AVIL: variants seen among roughly 807,000 people sequenced by gnomAD.
AVIL encodes advillin.
A neutral mutation model predicts 109.9 loss-of-function variants in AVIL; 78 were observed. The observed-to-expected ratio is 0.71, with a 90% CI of 0.59 to 0.86. The LOEUF (loss-of-function observed/expected upper bound fraction) is 0.86, where lower values mean the gene tolerates loss of function less well. AVIL is among the 40% of genes least tolerant of loss of function. The probability of loss-of-function intolerance (pLI) is 0.00; values close to 1 mark genes in which losing one functional copy is unlikely to be tolerated. For missense variants in AVIL, 892 were observed against 1,016.5 expected (o/e 0.88, Z 1.67); for synonymous variants, 367 against 379.1 (o/e 0.97, Z 0.37).
Position 57,811,484 on chromosome 12 carries a change from G to A in AVIL, c.339-357C>T, listed in dbSNP as rs534761647. ...TTCCAGGAACTGTCTGAATGCCAGT[G>A]TGTTACTGGGAGAGGGATACAAGTT... On this transcript the variant is annotated intron_variant, in intron 4 of 19. Transcript: ENST00000549994. 4.6e-5 allele frequency among the ~76,000 whole-genome samples: 7 copies of A among 152,348 alleles called. No individual in the cohort carries two copies. The East Asian group carries it at 1.3e-3, about 29-fold the overall frequency.
chr12:57,808,712 C>T (rs757467605), intron 9 of AVIL, 164 bp from the exon 10 acceptor site: 3 of 783,576 alleles, frequency 3.8e-6, no homozygotes, highest in Non-Finnish European at 5.8e-6. Context: ...AGGTACCTGC[C>T]TAAAAAAAAA....
intron 2 of AVIL, 82 bp from the exon 3 acceptor site, chr12:57,814,308 G>A (rs1329493296): frequency 2.9e-6 from 4 of 1,356,318 alleles, no homozygotes; most frequent in South Asian, 2.5e-5. Flanking sequence ...TCTGTCATTC[G>A]GTGCAGGTGG....
intron 14 of AVIL, among the ~76,000 whole-genome samples, chr12:57,805,682 T>C (rs758232838): frequency 6.5e-4 from 98 of 151,752 alleles, no homozygotes; most frequent in Non-Finnish European, 9.9e-4. Context: ...TACAGGCGCA[T>C]GCTGCCACAC....
chr12:57,810,252 C>T (rs945900330), intron 7 of AVIL, 97 bp downstream of exon 7: 1 of 1,328,356 alleles, frequency 7.5e-7, no homozygotes, highest in Non-Finnish European at 1.0e-6. Flanking sequence ...CAGATGGCTA[C>T]ACCCAAAACA....
chr12:57,817,143 T>A (rs1956109588), intron 1 of AVIL, among the ~76,000 whole-genome samples: 1 of 152,026 alleles, frequency 6.6e-6, no homozygotes, highest in Non-Finnish European at 1.5e-5. Flanking sequence ...GAGCTTGAAA[T>A]CTGATAACAT....
intron 17 of AVIL, 162 bp from the exon 18 acceptor site, chr12:57,801,374 C>T: frequency 3.6e-6 from 2 of 558,616 alleles, no homozygotes. Context: ...TCCATGCAGG[C>T]TTGAAAGGTG....
chr12:57,817,384 A>G (rs1460167517), intron 1 of AVIL, among the ~76,000 whole-genome samples: 1 of 150,470 alleles, frequency 6.6e-6, no homozygotes, highest in Non-Finnish European at 1.5e-5. Flanking sequence ...GACTTTGGCA[A>G]AAAACCATAA....
rs1180244553 is a variant in AVIL, at chr12:57,803,445, TGAG to T, written c.1818-57_1818-55del. 6.8e-6 allele frequency: 11 copies of T among 1,613,326 alleles called. No individual in the cohort carries two copies. The African/African-American group carries it at 1.5e-4, about 22-fold the overall frequency. On this transcript the variant is annotated intron_variant, in intron 15 of 19. Coordinates refer to ENST00000549994, the MANE Select transcript of AVIL (RefSeq NM_006576.4). ...AGCTGCTTAGAAATGTTTTTAAAACTGAGGTTTTAGCCTTTGTGCAATTCACAA... is the reference window on the plus strand; with the variant it reads ...AGCTGCTTAGAAATGTTTTTAAAACTGTTTTAGCCTTTGTGCAATTCACAA...
At chr12:57,798,762 AC>A (rs1011960090) in intron 19 of AVIL, among the ~76,000 whole-genome samples, 86 of 151,748 alleles carry the variant, frequency 5.7e-4, no homozygotes, top group African/African-American at 2.0e-3. Flanking sequence ...GACTACAGGC[AC>A]CCACCACCAC....
chr12:57,811,170 C>A, intron 4 of AVIL, 43 bp from the exon 5 acceptor site: 1 of 1,587,318 alleles, frequency 6.3e-7, no homozygotes, highest in Non-Finnish European at 8.6e-7. Flanking sequence ...CTGCTATGTG[C>A]TAGGTTCTGG....
intron 14 of AVIL, among the ~76,000 whole-genome samples, chr12:57,805,545 T>TG (rs946416356): frequency 1.3e-5 from 2 of 151,890 alleles, no homozygotes; most frequent in Non-Finnish European, 2.9e-5. Flanking sequence ...AGTTTTTTTT[T>TG]TTTTTGAGAT....
At chr12:57,803,795 T>A in intron 14 of AVIL, 126 bp from the exon 15 acceptor site, 1 of 1,303,754 alleles carries the variant, frequency 7.7e-7, no homozygotes, top group Non-Finnish European at 1.0e-6. Context: ...TCCCTCAGCC[T>A]GGGAAGACAG....
At chr12:57,801,362 G>T in intron 17 of AVIL, 150 bp from the exon 18 acceptor site, 1 of 593,572 alleles carries the variant, frequency 1.7e-6, no homozygotes, top group Non-Finnish European at 3.0e-6. Context: ...CCCCCTTTTG[G>T]GTCCATGCAG....
intron 14 of AVIL, 124 bp from the exon 15 acceptor site, chr12:57,803,793 C>T: frequency 1.5e-6 from 2 of 1,309,674 alleles, no homozygotes; most frequent in Non-Finnish European, 2.1e-6. Context: ...AGTCCCTCAG[C>T]CTGGGAAGAC....
At position 57,797,862 on chromosome 12, in the gene AVIL, T is replaced by G; in HGVS notation, c.*20A>C. ...TCTGCTCTTTTCTGTGGCCTTGCAA[T>G]AGGTATAGGCCTTCTTGCTTTAGAA... On this transcript the variant is annotated 3_prime_UTR_variant, in exon 20 of 20. Transcript: ENST00000549994. The G allele has an allele frequency of 1.3e-6, 2 of 1,529,454 alleles. No individual in the cohort carries two copies. The highest frequency in any genetic ancestry group is 1.2e-5 in the South Asian group (1 of 80,260). 94.7% of individuals were successfully genotyped at this position (1,529,454 alleles called of 1,614,324 possible). A position where few individuals can be genotyped will look rare whatever the true frequency, so the allele number is the denominator to read the frequency against.
rs752213058 is a variant in AVIL, at chr12:57,807,642, A to C, written c.1280T>G (p.Leu427Arg). The change falls in exon 12 of 20, where the codon CTC becomes CGC. Residue 427 changes from leucine (L) to arginine (R), a missense_variant. Physicochemically the swap from Leu to Arg is moderately radical, Grantham distance 102. Transcript: ENST00000549994. Reference sequence around the variant, plus strand: ...CTTCCCATTTACCTCGTATGTGTAGAGGACCAGATAACAGTCTCCCCCATA... The same window carrying C: ...CTTCCCATTTACCTCGTATGTGTAGCGGACCAGATAACAGTCTCCCCCATA... Reference protein sequence around the residue: ...FFYGGDCYLVLYTYEVNGKPH... With the variant: ...FFYGGDCYLVRYTYEVNGKPH... The C allele has an allele frequency of 9.9e-6, 16 of 1,614,132 alleles. No individual in the cohort carries two copies. Among genetic ancestry groups the C allele is most frequent in the African/African-American group, 1.3e-5 (1 of 74,940 alleles).
In AVIL at chr12:57,803,257, G is replaced by A. The variant is rs772035997; in HGVS notation, c.1952C>T (p.Thr651Ile). The A allele has an allele frequency of 6.2e-7, 1 of 1,614,074 alleles. No homozygotes were observed. Among genetic ancestry groups the A allele is most frequent in the Non-Finnish European group, 8.5e-7 (1 of 1,179,988 alleles). ...GCAGCTGTGTCTTACCTGGTCCCAG[G>A]TATCTAGGAGCATCACGTCAGTAGG... ...LNPTDVMLLD[T>I]WDQVFLWIGA... is the part of the protein sequence containing the mutation. The change falls in exon 16 of 20, where the codon ACC becomes ATC. Residue 651 changes from threonine (T) to isoleucine (I), a missense_variant. Transcript: ENST00000549994.
Position 57,803,299 on chromosome 12 carries a change from G to A in AVIL, c.1910C>T (p.Thr637Ile). 3.7e-6 allele frequency: 6 copies of A among 1,614,188 alleles called. No homozygotes were observed. The highest frequency in any genetic ancestry group is 5.1e-6 in the Non-Finnish European group (6 of 1,180,032). Residue 637 changes from threonine to isoleucine, a missense_variant, in exon 16 of 20, where the codon ACC (threonine) becomes ATC (isoleucine). Transcript: ENST00000549994. ...QFVVTEITDF[T>I]QDDLNPTDVM... ...GTCAGTAGGGTTCAGGTCATCCTGGGTGAAGTCTGTGATCTCAGTGACAAC... is the reference window on the plus strand; with the variant it reads ...GTCAGTAGGGTTCAGGTCATCCTGGATGAAGTCTGTGATCTCAGTGACAAC...
rs1413887482 is a variant in AVIL at position 57,803,677 on chromosome 12, T to G, written c.1672-8A>C. 3.1e-6 allele frequency: 5 copies of G among 1,613,316 alleles called. No individual in the cohort carries two copies. In the South Asian group the frequency reaches 5.5e-5, roughly 18 times the overall value. On this transcript the variant is annotated splice_polypyrimidine_tract_variant and splice_region_variant and intron_variant, in intron 14 of 19. Transcript: ENST00000549994. ...CTCATCCCCACTAGACCCCTGAGAG[T>G]GGGGCGAGGAGAGCACAGATGTTAG...
Sources: gnomAD v4.1 joint callset for allele counts (sites outside exome capture counted in the v4.1 genomes callset) on GRCh38, gnomAD v4.1.1 for gene constraint, MANE v1.5 for transcripts, NCBI Gene and HGNC (gene_info 2026-07-23, HGNC 2026-07-21) for gene names.